Variants in DENND1B observed in about 807,000 individuals in gnomAD.
The protein encoded by DENND1B is DENN domain-containing protein 1B.
A neutral mutation model predicts 90.1 loss-of-function variants in DENND1B; 59 were observed. The ratio of observed to expected loss-of-function variants is 0.65; its 90% CI spans 0.53 to 0.81. The LOEUF (loss-of-function observed/expected upper bound fraction) is 0.81, where lower values mean the gene tolerates loss of function less well. Ranked by LOEUF, DENND1B falls within the 40% of genes least tolerant of loss-of-function variation. The pLI, the probability that DENND1B is intolerant of heterozygous loss-of-function variation, is 0.00. For missense variants in DENND1B, 862 were observed against 912.6 expected (o/e 0.94, Z 0.71); for synonymous variants, 337 against 324.6 (o/e 1.04, Z -0.41).
At chr1:197,623,293 T>C (rs1678339936) in intron 10 of DENND1B, among the ~76,000 whole-genome samples, 2 of 151,462 alleles carry the variant, frequency 1.3e-5, no homozygotes, top group African/African-American at 2.4e-5. Flanking sequence ...GTATAAACAG[T>C]AAACTGTTGC....
At chr1:197,753,074 T>A (rs1653786745) in intron 2 of DENND1B, among the ~76,000 whole-genome samples, 1 of 151,858 alleles carries the variant, frequency 6.6e-6, no homozygotes, top group Non-Finnish European at 1.5e-5. Flanking sequence ...AAAGACTAAT[T>A]TGACTACAAA....
intron 2 of DENND1B, among the ~76,000 whole-genome samples, chr1:197,751,610 G>T (rs567759573): frequency 6.6e-6 from 1 of 152,106 alleles, no homozygotes; most frequent in Admixed American, 6.5e-5. Context: ...TTGGGAGGCC[G>T]AGGTGGGTGG....
At chr1:197,572,210 C>T (rs1673227573) in intron 15 of DENND1B, among the ~76,000 whole-genome samples, 1 of 152,106 alleles carries the variant, frequency 6.6e-6, no homozygotes, top group Non-Finnish European at 1.5e-5. Flanking sequence ...GACATTTCTG[C>T]CCAAATACTG....
Position 197,715,042 on chromosome 1 carries a change from A to G in DENND1B, c.115T>C (p.Phe39Leu), listed in dbSNP as rs542442784. Residue 39 changes from phenylalanine to leucine, a missense_variant, in exon 3 of 23, where the codon TTT (phenylalanine) becomes CTT (leucine). Coordinates refer to ENST00000620048, the MANE Select transcript of DENND1B (RefSeq NM_001195215.2). ...TATGTGGTACCAACCTGGTCTCCAA[A>G]GTCCTCTGGGAATTTCCACAATACC... ...PVVLWKFPED[F>L]GDQEILQSVP... 2.5e-6 allele frequency: 4 copies of G among 1,611,330 alleles called. No homozygotes were observed. The highest frequency in any genetic ancestry group is 3.4e-6 in the Non-Finnish European group (4 of 1,178,536).
chr1:197,665,460 C>A (rs1354233738), intron 5 of DENND1B, among the ~76,000 whole-genome samples: 2 of 152,110 alleles, frequency 1.3e-5, no homozygotes, highest in East Asian at 3.9e-4. Flanking sequence ...ATAATGCATA[C>A]ATGTCACTAA....
intron 15 of DENND1B, among the ~76,000 whole-genome samples, chr1:197,568,286 C>T (rs1163289346): frequency 6.6e-6 from 1 of 151,736 alleles, no homozygotes; most frequent in African/African-American, 2.4e-5. Flanking sequence ...ATAAAATTAA[C>T]CAAAGAAGTG....
At chr1:197,597,310 C>T (rs1282335647) in intron 13 of DENND1B, among the ~76,000 whole-genome samples, 7 of 151,568 alleles carry the variant, frequency 4.6e-5, no homozygotes, top group East Asian at 1.9e-4. Context: ...TATCAATATA[C>T]GTATTTAATT....
rs898394028 is a variant in DENND1B at position 197,570,185 on chromosome 1, G to A, written c.1149+12967C>T. On this transcript the variant is annotated intron_variant, in intron 15 of 22. Transcript: ENST00000620048. ...AGGTGAGAGGATCACCTGAGATCAGGAGATCAAGAATAGCCTAGGCAACAT... is the reference window on the plus strand; with the variant it reads ...AGGTGAGAGGATCACCTGAGATCAGAAGATCAAGAATAGCCTAGGCAACAT... Among the ~76,000 whole-genome samples, 6 of 149,684 alleles carry A rather than the reference G, an allele frequency of 4.0e-5. No individual in the cohort carries two copies. In the East Asian group the frequency reaches 1.2e-3, roughly 29 times the overall value.
At position 197,642,749 on chromosome 1, in the gene DENND1B, C is replaced by A; in HGVS notation, c.634G>T (p.Glu212Ter). ...MLQLYASMLH[E>*]RRIVIISSKL... ...CTCGAGATAATCACGATGCGCCTTTCATGCAGCATACTGGCATACAGCTGC... is the reference window on the plus strand; with the variant it reads ...CTCGAGATAATCACGATGCGCCTTTAATGCAGCATACTGGCATACAGCTGC... The change falls in exon 10 of 23, where the codon GAA becomes TAA. Residue 212 changes from glutamate to a stop codon, truncating the protein, a stop_gained. Coordinates refer to ENST00000620048, the MANE Select transcript of DENND1B (RefSeq NM_001195215.2). LOFTEE classifies it high-confidence loss of function. The A allele has an allele frequency of 6.2e-7, 1 of 1,613,642 alleles. No homozygotes were observed. The highest frequency in any genetic ancestry group is 8.5e-7 in the Non-Finnish European group (1 of 1,179,780).
intron 14 of DENND1B, among the ~76,000 whole-genome samples, chr1:197,583,744 A>G (rs1674450967): frequency 6.6e-6 from 1 of 152,214 alleles, no homozygotes; most frequent in South Asian, 2.1e-4. Flanking sequence ...CAGGCTGGAT[A>G]CTTTCCAGGA....
chr1:197,760,783 T>A (rs1227106561), intron 2 of DENND1B, among the ~76,000 whole-genome samples: 3 of 152,114 alleles, frequency 2.0e-5, no homozygotes, highest in Non-Finnish European at 4.4e-5. Flanking sequence ...TTTAGAACAA[T>A]GACATCTTAA....
At chr1:197,617,262 G>C (rs569104197) in intron 11 of DENND1B, among the ~76,000 whole-genome samples, 1 of 151,202 alleles carries the variant, frequency 6.6e-6, no homozygotes, top group South Asian at 2.1e-4. Context: ...AAGGTAACAA[G>C]AGTATGCCCT....
chr1:197,516,801 A>T (rs1301848473), intron 20 of DENND1B, among the ~76,000 whole-genome samples: 1 of 151,834 alleles, frequency 6.6e-6, no homozygotes, highest in African/African-American at 2.4e-5. Context: ...CATGCATATT[A>T]ACTATGCAGG....
chr1:197,767,699 T>C (rs777099569), intron 2 of DENND1B, among the ~76,000 whole-genome samples: 1 of 152,060 alleles, frequency 6.6e-6, no homozygotes, highest in Admixed American at 6.6e-5. Context: ...ATCCTAAAAA[T>C]GAAAAGTGAC....
intron 13 of DENND1B, among the ~76,000 whole-genome samples, chr1:197,599,462 C>T (rs1676003368): frequency 6.6e-6 from 1 of 151,702 alleles, no homozygotes; most frequent in Admixed American, 6.6e-5. Context: ...TAAAACACTC[C>T]TAAGATATTT....
intron 16 of DENND1B, 23 bp from the exon 17 acceptor site, chr1:197,546,796 G>A: frequency 1.3e-6 from 2 of 1,535,766 alleles, no homozygotes; most frequent in Non-Finnish European, 1.8e-6. Flanking sequence ...AAAATGAGAT[G>A]CCAGGAATGG....
intron 13 of DENND1B, among the ~76,000 whole-genome samples, chr1:197,596,977 T>C (rs1330144067): frequency 6.6e-6 from 1 of 151,884 alleles, no homozygotes; most frequent in Non-Finnish European, 1.5e-5. Context: ...ATTATTGAGT[T>C]ATGTTCATAA....
intron 14 of DENND1B, among the ~76,000 whole-genome samples, chr1:197,584,953 A>G (rs920707421): frequency 6.6e-6 from 1 of 152,208 alleles, no homozygotes; most frequent in Admixed American, 6.5e-5. Context: ...AATTCTAGGC[A>G]TAAGTCACCA....
chr1:197,743,477 T>A (rs1365132158), intron 2 of DENND1B, among the ~76,000 whole-genome samples: 1 of 151,960 alleles, frequency 6.6e-6, no homozygotes, highest in African/African-American at 2.4e-5. Context: ...AGTTGTAATC[T>A]TTTTTTTGGT....
Sources: allele counts gnomAD v4.1 joint callset (sites outside exome capture counted in the v4.1 genomes callset), GRCh38; gene constraint gnomAD v4.1.1; transcripts MANE v1.5; gene names NCBI Gene and HGNC (gene_info 2026-07-23, HGNC 2026-07-21).